The following ZSCAN5A variants were observed in gnomAD, a reference collection of about 807,000 sequenced individuals.
The protein encoded by ZSCAN5A is zinc finger and SCAN domain-containing protein 5A.
A neutral mutation model predicts 23.7 loss-of-function variants in ZSCAN5A; 12 were observed. That is an observed-to-expected ratio of 0.51 (90% confidence interval 0.32 to 0.82). ZSCAN5A has a LOEUF of 0.82. Ranked by LOEUF, ZSCAN5A falls within the 40% of genes least tolerant of loss-of-function variation. ZSCAN5A has a pLI of 0.03. For missense variants in ZSCAN5A, 597 were observed against 617.9 expected, an observed-to-expected ratio of 0.97 and a Z score of 0.36; for synonymous variants, 257 against 239.9, an observed-to-expected ratio of 1.07 and a Z score of -0.66.
chr19:56,338,167 A>T (rs2147445012), intron 2 of ZSCAN5A: 1 of 151,720 alleles, frequency 6.6e-6, no homozygotes, highest in Admixed American at 6.6e-5. Flanking sequence ...TTTTTTTTTG[A>T]AACAAGTTGT....
At chr19:56,297,069 C>CA (rs35746489) in intron 2 of ZSCAN5A, among the ~76,000 whole-genome samples, 67,427 of 145,310 alleles carry the variant, frequency 0.46, 15,850 homozygotes, top group Non-Finnish European at 0.53. Context: ...AACTCTGTCT[C>CA]AAAAAAAAAA....
chr19:56,256,341 C>T (rs772040132), intron 2 of ZSCAN5A, among the ~76,000 whole-genome samples: 26 of 152,072 alleles, frequency 1.7e-4, no homozygotes, highest in Non-Finnish European at 2.6e-4. Flanking sequence ...TATGGGTGCA[C>T]ACCACCACAC....
At chr19:56,328,991 T>C (rs1291782556) in intron 2 of ZSCAN5A, among the ~76,000 whole-genome samples, 2 of 130,076 alleles carry the variant, frequency 1.5e-5, no homozygotes, top group Non-Finnish European at 1.6e-5. Context: ...CGAGACTCCG[T>C]CTCAAAAAAA....
intron 2 of ZSCAN5A, among the ~76,000 whole-genome samples, chr19:56,273,081 G>A (rs1354857839): frequency 6.6e-6 from 1 of 152,160 alleles, no homozygotes; most frequent in Non-Finnish European, 1.5e-5. Flanking sequence ...TGGGGTGAAT[G>A]AGTCTAGGTT....
At chr19:56,240,966 T>C (rs2035384467) in intron 2 of ZSCAN5A, among the ~76,000 whole-genome samples, 1 of 152,180 alleles carries the variant, frequency 6.6e-6, no homozygotes, top group Non-Finnish European at 1.5e-5. Context: ...ACCTGGGTCT[T>C]CCAAACTGTT....
chr19:56,239,223 C>A (rs567401495), intron 2 of ZSCAN5A, among the ~76,000 whole-genome samples: 1 of 152,244 alleles, frequency 6.6e-6, no homozygotes, highest in South Asian at 2.1e-4. Flanking sequence ...ATATTAATAA[C>A]CCTTCAATGT....
chr19:56,360,970 T>A (rs557889510), intron 2 of ZSCAN5A, among the ~76,000 whole-genome samples: 1 of 152,236 alleles, frequency 6.6e-6, no homozygotes, highest in East Asian at 1.9e-4. Flanking sequence ...TCAGCATCCA[T>A]AAGGAACTTC....
At chr19:56,251,453 A>G (rs1044444109) in intron 2 of ZSCAN5A, among the ~76,000 whole-genome samples, 11 of 152,156 alleles carry the variant, frequency 7.2e-5, no homozygotes, top group Admixed American at 2.6e-4. Flanking sequence ...TCAGAGTCCA[A>G]TGAAGAGAAA....
At position 56,297,544 on chromosome 19, in the gene ZSCAN5A, G is replaced by A. The variant is rs191311502; in HGVS notation, c.-128+15739C>T. ...TGCAAGGAGGAAGGTAAGTGCTTGG[G>A]GTCGTACCATTCCTCATCTATAAGA... On this transcript the variant is annotated intron_variant, in intron 2 of 5. Coordinates refer to ENST00000683990, the MANE Select transcript of ZSCAN5A (RefSeq NM_001322064.3). 122 of 984,104 alleles carry A rather than the reference G, an allele frequency of 1.2e-4. No homozygotes were observed. In the Admixed American group the frequency reaches 2.9e-3, roughly 23 times the overall value. 61.0% of individuals were successfully genotyped at this position (984,104 alleles called of 1,614,324 possible). A position where few individuals can be genotyped will look rare whatever the true frequency, so the allele number is the denominator to read the frequency against.
intron 2 of ZSCAN5A, among the ~76,000 whole-genome samples, chr19:56,326,689 G>A (rs1032265343): frequency 1.3e-5 from 2 of 152,038 alleles, no homozygotes; most frequent in Admixed American, 1.3e-4. Flanking sequence ...ATGCTCTCAC[G>A]TAAATGTGCG....
At chr19:56,313,229 TAA>T (rs2041154945) in intron 2 of ZSCAN5A, 52 bp downstream of exon 2, 1 of 336,768 alleles carries the variant, frequency 3.0e-6, no homozygotes, top group South Asian at 2.3e-5. Flanking sequence ...ACGCTGCTGA[TAA>T]AGACATATCC....
chr19:56,318,645 A>AG (rs1204484724), upstream of ZSCAN5A, among the ~76,000 whole-genome samples: 1 of 152,208 alleles, frequency 6.6e-6, no homozygotes, highest in African/African-American at 2.4e-5. Flanking sequence ...TGTGCCAAAA[A>AG]TCTTTACAGA....
intron 2 of ZSCAN5A, among the ~76,000 whole-genome samples, chr19:56,307,286 T>TAA (rs2040751635): frequency 6.6e-6 from 1 of 152,182 alleles, no homozygotes; most frequent in Non-Finnish European, 1.5e-5. Context: ...AAATGTCAAC[T>TAA]CGATCATACG....
intron 2 of ZSCAN5A, among the ~76,000 whole-genome samples, chr19:56,271,141 G>T (rs1193746762): frequency 6.6e-6 from 1 of 152,184 alleles, no homozygotes; most frequent in Non-Finnish European, 1.5e-5. Context: ...ATGGAAAATC[G>T]AAACGTAGGA....
chr19:56,264,947 C>G (rs2037367132), intron 2 of ZSCAN5A, among the ~76,000 whole-genome samples: 1 of 152,056 alleles, frequency 6.6e-6, no homozygotes, highest in African/African-American at 2.4e-5. Flanking sequence ...CATGGTGAAA[C>G]CCCGTATCTA....
At chr19:56,329,298 G>A (rs1178876750) in intron 2 of ZSCAN5A, among the ~76,000 whole-genome samples, 1 of 152,088 alleles carries the variant, frequency 6.6e-6, no homozygotes, top group African/African-American at 2.4e-5. Context: ...GCAGTGAGCC[G>A]AGATCGTGTC....
chr19:56,324,641 CA>C (rs35806754), intron 2 of ZSCAN5A, among the ~76,000 whole-genome samples: 10,395 of 81,712 alleles, frequency 0.13, 565 homozygotes, highest in East Asian at 0.38. Flanking sequence ...TGTACATGTT[CA>C]AAAAAAAAAA....
chr19:56,299,238 C>G (rs910092160), intron 2 of ZSCAN5A, among the ~76,000 whole-genome samples: 5 of 151,678 alleles, frequency 3.3e-5, no homozygotes, highest in Non-Finnish European at 7.4e-5. Context: ...CTCAAGTGAT[C>G]CTCCCCTCTA....
At chr19:56,259,168 A>T (rs1182664798) in intron 2 of ZSCAN5A, among the ~76,000 whole-genome samples, 1 of 152,084 alleles carries the variant, frequency 6.6e-6, no homozygotes, top group Non-Finnish European at 1.5e-5. Context: ...GCTACAGATA[A>T]CTGGAACAGC....
Sources: gnomAD v4.1 joint callset for allele counts (sites outside exome capture counted in the v4.1 genomes callset) on GRCh38, gnomAD v4.1.1 for gene constraint, MANE v1.5 for transcripts, NCBI Gene and HGNC (gene_info 2026-07-23, HGNC 2026-07-21) for gene names.